Variants in EP300 observed in about 807,000 individuals in gnomAD.
The protein encoded by EP300 is EP300 lysine acetyltransferase.
A neutral mutation model predicts 264.0 loss-of-function variants in EP300; 31 were observed. The observed-to-expected ratio is 0.12, with a 90% CI of 0.09 to 0.16. The LOEUF (loss-of-function observed/expected upper bound fraction) is 0.16, where lower values mean the gene tolerates loss of function less well. EP300 is among the 10% of genes least tolerant of loss of function. The pLI, the probability that EP300 is intolerant of heterozygous loss-of-function variation, is 1.00. For missense variants in EP300, 2,766 were observed against 3,052.9 expected (o/e 0.91, Z 2.21); for synonymous variants, 1,340 against 1,045.4 (o/e 1.28, Z -5.44).
chr22:41,153,529 C>A (rs1443084623), intron 16 of EP300, among the ~76,000 whole-genome samples: 1 of 152,128 alleles, frequency 6.6e-6, no homozygotes, highest in Non-Finnish European at 1.5e-5. Flanking sequence ...GCGGGCAGAT[C>A]ACTTGAGGTC....
chr22:41,179,833 G>C lies in EP300; in HGVS notation c.*877G>C, dbSNP rs1267373803. 2 of 224,880 alleles carry C rather than the reference G, an allele frequency of 8.9e-6. No homozygotes were observed. The highest frequency in any genetic ancestry group is 1.3e-4 in the East Asian group (2 of 15,252). The allele number at this position is 224,880 out of a possible 1,614,324, so 13.9% of individuals were successfully genotyped here. A position where few individuals can be genotyped will look rare whatever the true frequency, so the allele number is the denominator to read the frequency against. Reference sequence around the variant, plus strand: ...GATTTTAACATGCAAAATGTCCCTGGGGGTTTCTTCTTTGCTTGCTTTCTT... The same window carrying C: ...GATTTTAACATGCAAAATGTCCCTGCGGGTTTCTTCTTTGCTTGCTTTCTT... On this transcript the variant is annotated 3_prime_UTR_variant, in exon 31 of 31. Transcript: ENST00000263253.
At position 41,141,685 on chromosome 22, in the gene EP300, C is replaced by CT. The variant is rs1241886217; in HGVS notation, c.2053+472dup. Among the ~76,000 whole-genome samples, 184 of 131,348 alleles carry CT rather than the reference C, an allele frequency of 1.4e-3. 1 individual carries two copies. The highest frequency in any genetic ancestry group is 2.0e-3 in the African/African-American group (73 of 35,920). 86.2% of individuals were successfully genotyped at this position (131,348 alleles called of 152,430 possible). A position where few individuals can be genotyped will look rare whatever the true frequency, so the allele number is the denominator to read the frequency against. ...GAACTCTTTTTTTTTTTTTCTTTTTCTTTTTTTTTGAGGCAGAGTCTCACT... is the reference window on the plus strand; with the variant it reads ...GAACTCTTTTTTTTTTTTTCTTTTTCTTTTTTTTTTGAGGCAGAGTCTCACT... On this transcript the variant is annotated intron_variant, in intron 10 of 30. Coordinates refer to ENST00000263253, the MANE Select transcript of EP300 (RefSeq NM_001429.4).
chr22:41,162,801 A>G, intron 21 of EP300, 22 bp downstream of exon 21: 1 of 1,601,954 alleles, frequency 6.2e-7, no homozygotes, highest in South Asian at 1.1e-5. Context: ...CCCCTTGAAT[A>G]GTCAGTACGC....
chr22:41,165,949 C>G (rs2059131663), intron 22 of EP300, among the ~76,000 whole-genome samples: 1 of 151,556 alleles, frequency 6.6e-6, no homozygotes, highest in Non-Finnish European at 1.5e-5. Flanking sequence ...CATGTCTGAC[C>G]AATTCTTGTA....
At position 41,178,353 on chromosome 22, in the gene EP300, C is replaced by G. The variant is rs147355603; in HGVS notation, c.6642C>G (p.Pro2214=). Residue 2214 remains proline, a synonymous_variant, in exon 31 of 31, where the codon CCC becomes CCG. Transcript: ENST00000263253. ...CCAACCATAACCAGTTCCAGCAACC[C>G]CAAGGAGTTGGCTACCCACCACAGC... is the stretch of plus-strand genomic sequence containing the variant. ...GMANHNQFQQ[P]QGVGYPPQQQ... 7.4e-6 allele frequency: 12 copies of G among 1,614,038 alleles called. No homozygotes were observed. In the East Asian group the frequency reaches 2.0e-4, roughly 27 times the overall value.
chr22:41,155,984 AGTTT>A (rs1001902865), intron 17 of EP300, among the ~76,000 whole-genome samples: 5 of 151,914 alleles, frequency 3.3e-5, no homozygotes, highest in African/African-American at 7.3e-5. Flanking sequence ...TGGGTTATAT[AGTTT>A]GTTTACTTTT....
intron 26 of EP300, 61 bp from the exon 27 acceptor site, chr22:41,170,345 A>G (rs2059162359): frequency 6.6e-7 from 1 of 1,525,864 alleles, no homozygotes; most frequent in Non-Finnish European, 9.1e-7. Flanking sequence ...GTGGTTTAAA[A>G]TGTAGCCTTC....
At chr22:41,116,055 G>A (rs1228517752) in intron 1 of EP300, among the ~76,000 whole-genome samples, 2 of 151,908 alleles carry the variant, frequency 1.3e-5, no homozygotes, top group East Asian at 1.9e-4. Flanking sequence ...TAAGGAACTT[G>A]GGAATATTAA....
At chr22:41,121,198 G>A (rs2058850411) in intron 2 of EP300, among the ~76,000 whole-genome samples, 1 of 151,512 alleles carries the variant, frequency 6.6e-6, no homozygotes, top group Non-Finnish European at 1.5e-5. Context: ...TCTGCAGGAC[G>A]CATTTCTTGT....
At chr22:41,156,359 G>A (rs150928026) in intron 17 of EP300, among the ~76,000 whole-genome samples, 3 of 152,276 alleles carry the variant, frequency 2.0e-5, no homozygotes, top group South Asian at 2.1e-4. Flanking sequence ...AAAAAGGACC[G>A]TGGTTAGCTT....
rs1445950562 is a variant in EP300 at position 41,092,917 on chromosome 22, C to G, written c.-88C>G. ...TGCCGTCGGAGCCCCCCAGCCCACCCCTGGGTGCGGCGCGGGGACCCCGGG... is the reference window on the plus strand; with the variant it reads ...TGCCGTCGGAGCCCCCCAGCCCACCGCTGGGTGCGGCGCGGGGACCCCGGG... On this transcript the variant is annotated 5_prime_UTR_variant, in exon 1 of 31. Coordinates refer to ENST00000263253, the MANE Select transcript of EP300 (RefSeq NM_001429.4). The G allele has an allele frequency of 6.7e-7, 1 of 1,494,224 alleles. No individual in the cohort carries two copies. Among genetic ancestry groups the G allele is most frequent in the African/African-American group, 1.4e-5 (1 of 72,618 alleles). 92.6% of individuals were successfully genotyped at this position (1,494,224 alleles called of 1,614,324 possible). A position where few individuals can be genotyped will look rare whatever the true frequency, so the allele number is the denominator to read the frequency against.
At chr22:41,166,213 T>C (rs1244981900) in intron 22 of EP300, among the ~76,000 whole-genome samples, 3 of 152,338 alleles carry the variant, frequency 2.0e-5, no homozygotes, top group South Asian at 2.1e-4. Context: ...GAGACAAATA[T>C]CATGTGCATT....
At chr22:41,128,963 A>G (rs952316637) in intron 4 of EP300, among the ~76,000 whole-genome samples, 2 of 152,110 alleles carry the variant, frequency 1.3e-5, no homozygotes, top group African/African-American at 2.4e-5. Flanking sequence ...AACAAAATCA[A>G]TTTTGAGACT....
At position 41,149,985 on chromosome 22, in the gene EP300, C is replaced by T. The variant is rs757545697; in HGVS notation, c.2604C>T (p.Ala868=). The T allele has an allele frequency of 1.2e-6, 2 of 1,614,072 alleles. No individual in the cohort carries two copies. Among genetic ancestry groups the T allele is most frequent in the South Asian group, 2.2e-5 (2 of 91,082 alleles). Residue 868 remains alanine, a synonymous_variant, in exon 14 of 31, where the codon GCC becomes GCT. Transcript: ENST00000263253. The stretch of plus-strand genomic sequence containing the variant: ...CAGCCCCTGTTCCTACACCTCCTGC[C>T]ATGCCACCTGGGCCACAGTCCCAGG... ...TIPAPVPTPP[A]MPPGPQSQAL...
intron 27 of EP300, 85 bp from the exon 28 acceptor site, chr22:41,172,414 G>T: frequency 7.9e-7 from 1 of 1,263,020 alleles, no homozygotes; most frequent in Non-Finnish European, 1.1e-6. Flanking sequence ...AAGCTTTCAT[G>T]TTTCTTGTCA....
chr22:41,144,432 T>C lies in EP300; in HGVS notation c.2054-2307T>C, dbSNP rs1453550728. ...AGTGGTGTGATCTCGGCTCACTGCA[T>C]CCTCCATGCCTCCCAAGCTCAAGCA... On this transcript the variant is annotated intron_variant, in intron 10 of 30. Transcript: ENST00000263253. Among the ~76,000 whole-genome samples the C allele has an allele frequency of 2.0e-5, 3 of 151,472 alleles. No homozygotes were observed. In the East Asian group the frequency reaches 5.8e-4, roughly 29 times the overall value.
chr22:41,176,601 T>C, intron 30 of EP300, 73 bp downstream of exon 30: 3 of 1,609,152 alleles, frequency 1.9e-6, no homozygotes, highest in Non-Finnish European at 1.7e-6. Flanking sequence ...AGCCACGTAT[T>C]TTATAGAGGC....
At chr22:41,157,567 G>A (rs2059084418) in intron 18 of EP300, among the ~76,000 whole-genome samples, 159 bp downstream of exon 18, 1 of 146,512 alleles carries the variant, frequency 6.8e-6, no homozygotes, top group Middle Eastern at 3.4e-3. Context: ...TCCCAGGCTG[G>A]AGTGCAGTGG....
chr22:41,102,173 C>T (rs1432653569), intron 1 of EP300, among the ~76,000 whole-genome samples: 4 of 151,812 alleles, frequency 2.6e-5, no homozygotes, highest in Non-Finnish European at 1.5e-5. Flanking sequence ...CCAACATTTT[C>T]TGTATGCCAG....
Sources: gnomAD v4.1 joint callset for allele counts (sites outside exome capture counted in the v4.1 genomes callset) on GRCh38, gnomAD v4.1.1 for gene constraint, MANE v1.5 for transcripts, NCBI Gene and HGNC (gene_info 2026-07-23, HGNC 2026-07-21) for gene names.